Variants in APOC1 observed in about 807,000 individuals in gnomAD.
The protein encoded by APOC1 is apolipoprotein C-I.
A neutral mutation model predicts 6.7 loss-of-function variants in APOC1; 4 were observed. The observed-to-expected ratio is 0.60, with a 90% CI of 0.29 to 1.37. The LOEUF is 1.37. Among genes scored for constraint, APOC1 ranks in the 40% most tolerant of loss-of-function variants. The pLI is 0.09. For missense variants in APOC1, 122 were observed against 99.4 expected, an observed-to-expected ratio of 1.23 and a Z score of -0.97; for synonymous variants, 33 against 40.6, an observed-to-expected ratio of 0.81 and a Z score of 0.72.
Position 44,914,714 on chromosome 19 carries a change from G to T in APOC1, c.-40G>T, listed in dbSNP as rs1969972217. ...GGGCAGGACAGGACCTCCCAACCAA[G>T]CCCTCCAGCAAGGATTCAGGTTGGT... On this transcript the variant is annotated 5_prime_UTR_variant, in exon 1 of 4. Coordinates refer to ENST00000592535, the MANE Select transcript of APOC1 (RefSeq NM_001645.5). The T allele has an allele frequency of 8.1e-6, 5 of 615,020 alleles. No homozygotes were observed. The highest frequency in any genetic ancestry group is 5.4e-5 in the Admixed American group (2 of 37,192). The allele number at this position is 615,020 out of a possible 1,614,324, so 38.1% of individuals were successfully genotyped here. A position where few individuals can be genotyped will look rare whatever the true frequency, so the allele number is the denominator to read the frequency against.
chr19:44,919,173 G>A lies in APOC1; in HGVS notation c.195G>A (p.Arg65=), dbSNP rs1244025514. ...CCCCCTTCCTTATTCCTCCCCACAG[G>A]GAGTGGTTTTCAGAGACATTTCAGA... ...IKQSELSAKM[R]EWFSETFQKV... is the part of the protein sequence containing the mutation. Residue 65 remains arginine, a splice_region_variant and synonymous_variant, in exon 4 of 4, where the codon CGG becomes CGA. Transcript: ENST00000592535. 6.2e-7 allele frequency: 1 copy of A among 1,613,666 alleles called. No homozygotes were observed. The highest frequency in any genetic ancestry group is 1.1e-5 in the South Asian group (1 of 91,066).
chr19:44,918,183 G>A (rs1258729317), intron 3 of APOC1, among the ~76,000 whole-genome samples: 17 of 142,582 alleles, frequency 1.2e-4, no homozygotes, highest in South Asian at 9.4e-4. Flanking sequence ...CAGGAGAATG[G>A]CTTGAACCTG....
intron 2 of APOC1, among the ~76,000 whole-genome samples, chr19:44,915,384 C>T (rs551511928): frequency 6.8e-6 from 1 of 146,456 alleles, no homozygotes; most frequent in East Asian, 2.1e-4. Flanking sequence ...AGTGCAGTGG[C>T]GCGATCTCGG....
intron 2 of APOC1, chr19:44,915,201 G>A (rs913975254): frequency 1.6e-5 from 9 of 554,704 alleles, no homozygotes; most frequent in African/African-American, 9.5e-5. Flanking sequence ...GTCCTGCTTC[G>A]ACAGCCTTGA....
chr19:44,914,811 G>A (rs1354379124), intron 1 of APOC1, 61 bp from the exon 2 acceptor site: 65 of 1,405,108 alleles, frequency 4.6e-5, no homozygotes, highest in Non-Finnish European at 6.0e-5. Context: ...GGGATCGTGG[G>A]AGGGAGGTAG....
intron 3 of APOC1, among the ~76,000 whole-genome samples, chr19:44,918,609 C>G (rs1970049407): frequency 6.6e-6 from 1 of 151,992 alleles, no homozygotes; most frequent in Admixed American, 6.6e-5. Context: ...GATCTCCTGA[C>G]CTGGTGATCC....
intron 3 of APOC1, 151 bp downstream of exon 3, chr19:44,916,476 C>G: frequency 9.6e-7 from 1 of 1,043,206 alleles, no homozygotes; most frequent in South Asian, 1.6e-5. Context: ...TCAAGGTGCT[C>G]AGACTTCAAG....
At position 44,916,219 on chromosome 19, in the gene APOC1, G is replaced by C. The variant is rs72654455; in HGVS notation, c.88G>C (p.Val30Leu). The change falls in exon 3 of 4, where the codon GTC becomes CTC. Residue 30 changes from valine to leucine, a missense_variant. By Grantham distance (32) the Val-to-Leu change is conservative. Coordinates refer to ENST00000592535, the MANE Select transcript of APOC1 (RefSeq NM_001645.5). ...AGCCCCAGCCCAGGGGACCCCAGAC[G>C]TCTCCAGTGCCTTGGATAAGCTGAA... is the stretch of plus-strand genomic sequence containing the variant. ...GPAPAQGTPD[V>L]SSALDKLKEF... 1.3e-6 allele frequency: 2 copies of C among 1,598,426 alleles called. No homozygotes were observed. The highest frequency in any genetic ancestry group is 1.4e-5 in the African/African-American group (1 of 73,234).
chr19:44,915,247 T>G, intron 2 of APOC1: 6 of 474,214 alleles, frequency 1.3e-5, no homozygotes, highest in Non-Finnish European at 2.3e-5. Flanking sequence ...CTGGGAGAGG[T>G]CAGTGCTGAG....
In APOC1 at chr19:44,919,225, T is replaced by C; in HGVS notation, c.247T>C (p.Ser83Pro). The C allele has an allele frequency of 6.2e-7, 1 of 1,613,892 alleles. No homozygotes were observed. The highest frequency in any genetic ancestry group is 1.7e-5 in the Admixed American group (1 of 60,000). Residue 83 changes from serine to proline, a missense_variant, in exon 4 of 4, where the codon TCA (serine) becomes CCA (proline). Coordinates refer to ENST00000592535, the MANE Select transcript of APOC1 (RefSeq NM_001645.5). The part of the protein sequence containing the change: ...QKVKEKLKID[S>P] ...AGTGAAGGAGAAACTCAAGATTGAC[T>C]CATGAGGACCTGAAGGGTGACATCC...
chr19:44,914,733 G>A lies in APOC1; in HGVS notation c.-21G>A, dbSNP rs1186180905. On this transcript the variant is annotated splice_region_variant and 5_prime_UTR_variant, in exon 1 of 4. Coordinates refer to ENST00000592535, the MANE Select transcript of APOC1 (RefSeq NM_001645.5). The stretch of plus-strand genomic sequence containing the variant: ...AACCAAGCCCTCCAGCAAGGATTCA[G>A]GTTGGTGCTGAGTGCCTGGGAGGGA... The A allele has an allele frequency of 5.9e-6, 4 of 679,090 alleles. No individual in the cohort carries two copies. The highest frequency in any genetic ancestry group is 7.7e-6 in the Non-Finnish European group (3 of 387,920). The allele number at this position is 679,090 out of a possible 1,614,324, so 42.1% of individuals were successfully genotyped here.
chr19:44,918,051 C>T (rs770398066), intron 3 of APOC1, among the ~76,000 whole-genome samples: 1 of 151,578 alleles, frequency 6.6e-6, no homozygotes, highest in African/African-American at 2.4e-5. Flanking sequence ...AGGCGGATCA[C>T]GAGGTCAGGA....
At chr19:44,917,403 C>T (rs1306455213) in intron 3 of APOC1, among the ~76,000 whole-genome samples, 7 of 151,904 alleles carry the variant, frequency 4.6e-5, no homozygotes, top group Admixed American at 2.6e-4. Flanking sequence ...GCGAGAACCC[C>T]GTCCCTAATA....
chr19:44,915,128 A>G (rs1308082751), intron 2 of APOC1, 179 bp downstream of exon 2: 1 of 647,840 alleles, frequency 1.5e-6, no homozygotes, highest in Non-Finnish European at 2.7e-6. Flanking sequence ...GCAGGCGCCA[A>G]ATCTGCGCAG....
intron 3 of APOC1, 175 bp downstream of exon 3, chr19:44,916,500 A>C: frequency 1.2e-6 from 1 of 808,868 alleles, no homozygotes; most frequent in Non-Finnish European, 1.9e-6. Flanking sequence ...AGTTTCCCTG[A>C]CTCCCATCCA....
chr19:44,917,450 T>C (rs1209800621), intron 3 of APOC1, among the ~76,000 whole-genome samples: 2 of 151,708 alleles, frequency 1.3e-5, no homozygotes, highest in African/African-American at 4.8e-5. Context: ...TGGTGGCCCA[T>C]GCCTGTAGTC....
Position 44,919,282 on chromosome 19 carries a change from A to G in APOC1, c.*52A>G. ...GGGCCTCTGAAATTTCCCACACCCC[A>G]GCGCCTGTGCTGAGGACTCCCTCCA... On this transcript the variant is annotated 3_prime_UTR_variant, in exon 4 of 4. Coordinates refer to ENST00000592535, the MANE Select transcript of APOC1 (RefSeq NM_001645.5). 1 of 1,544,496 alleles carries G rather than the reference A, an allele frequency of 6.5e-7. No homozygotes were observed.
intron 3 of APOC1, chr19:44,918,753 G>GTATCATTAAAAAA: frequency 6.1e-6 from 1 of 162,710 alleles, no homozygotes. Context: ...TCCACCTCCC[G>GTATCATTAAAAAA]GGTTCAGGCA....
chr19:44,916,242 G>A lies in APOC1; in HGVS notation c.111G>A (p.Leu37=). The change falls in exon 3 of 4, where the codon CTG becomes CTA. Residue 37 remains leucine (L), a synonymous_variant. Transcript: ENST00000592535. ...ACGTCTCCAGTGCCTTGGATAAGCT[G>A]AAGGAGTTTGGAAACACACTGGAGG... is the stretch of plus-strand genomic sequence containing the variant. ...TPDVSSALDK[L]KEFGNTLEDK... 1.2e-6 allele frequency: 2 copies of A among 1,613,522 alleles called. No homozygotes were observed. The highest frequency in any genetic ancestry group is 1.1e-5 in the South Asian group (1 of 91,068).
Sources: gnomAD v4.1 joint callset for allele counts (sites outside exome capture counted in the v4.1 genomes callset) on GRCh38, gnomAD v4.1.1 for gene constraint, MANE v1.5 for transcripts, NCBI Gene and HGNC (gene_info 2026-07-23, HGNC 2026-07-21) for gene names.